ARID5B: variants seen among roughly 807,000 people sequenced by gnomAD.
ARID5B encodes the protein AT-rich interaction domain 5B, also known as AT-rich interactive domain-containing protein 5B.
A neutral mutation model predicts 97.2 loss-of-function variants in ARID5B; 13 were observed. The ratio of observed to expected loss-of-function variants is 0.13; its 90% confidence interval spans 0.09 to 0.21. ARID5B has a LOEUF of 0.21. ARID5B is among the 10% of genes least tolerant of loss of function. ARID5B has a pLI of 1.00. For synonymous variants in ARID5B, 556 were observed against 570.3 expected (o/e 0.97, Z 0.36); for missense variants, 1,210 against 1,465.3 (o/e 0.83, Z 2.84).
intron 7 of ARID5B, among the ~76,000 whole-genome samples, chr10:62,068,703 T>C (rs1415217969): frequency 1.3e-5 from 2 of 152,110 alleles, no homozygotes; most frequent in African/African-American, 4.8e-5. Flanking sequence ...CCCGTAACCC[T>C]GTTGAGAAAT....
At chr10:62,054,878 A>G (rs1057203747) in intron 5 of ARID5B, among the ~76,000 whole-genome samples, 4 of 152,210 alleles carry the variant, frequency 2.6e-5, no homozygotes, top group Non-Finnish European at 5.9e-5. Flanking sequence ...TCCAAACCAT[A>G]CATGACCTCA....
intron 4 of ARID5B, among the ~76,000 whole-genome samples, chr10:62,022,608 C>T (rs574777786): frequency 3.3e-5 from 5 of 152,342 alleles, no homozygotes; most frequent in African/African-American, 1.2e-4. Context: ...TATGTGTCCA[C>T]AAGCCTAGTC....
intron 4 of ARID5B, chr10:62,024,718 A>G (rs1167578982): frequency 2.5e-6 from 1 of 396,524 alleles, no homozygotes; most frequent in African/African-American, 2.1e-5. Context: ...GTACAAAGTT[A>G]CCAAACCAAT....
At chr10:61,967,451 A>G (rs1395929507) in intron 3 of ARID5B, among the ~76,000 whole-genome samples, 1 of 152,188 alleles carries the variant, frequency 6.6e-6, no homozygotes, top group Non-Finnish European at 1.5e-5. Flanking sequence ...CACCACCACA[A>G]TTCTTTGTGT....
chr10:61,904,938 G>A (rs1197229522), intron 2 of ARID5B, among the ~76,000 whole-genome samples: 2 of 152,252 alleles, frequency 1.3e-5, no homozygotes, highest in Non-Finnish European at 2.9e-5. Context: ...TAGCAGAATA[G>A]CAGCAGCAGT....
At chr10:62,089,331 T>A (rs999923370) in intron 9 of ARID5B, among the ~76,000 whole-genome samples, 9 of 151,854 alleles carry the variant, frequency 5.9e-5, no homozygotes, top group Non-Finnish European at 8.8e-5. Context: ...GTTTTTTTTT[T>A]AAAGGGATTT....
At chr10:62,077,987 G>A (rs1490408063) in intron 8 of ARID5B, among the ~76,000 whole-genome samples, 1 of 152,208 alleles carries the variant, frequency 6.6e-6, no homozygotes, top group Non-Finnish European at 1.5e-5. Flanking sequence ...CTCTTCCACT[G>A]AAAACCTCTT....
chr10:62,012,748 G>T (rs1839234329), intron 4 of ARID5B, among the ~76,000 whole-genome samples: 1 of 152,040 alleles, frequency 6.6e-6, no homozygotes, highest in Non-Finnish European at 1.5e-5. Flanking sequence ...TTTTATTTAT[G>T]CAATTTCATA....
intron 3 of ARID5B, among the ~76,000 whole-genome samples, chr10:61,970,510 A>G (rs57462891): frequency 0.01 from 1,564 of 152,354 alleles, 31 homozygotes; most frequent in African/African-American, 0.036. Flanking sequence ...TTTCAGATGT[A>G]ATTTCATGCC....
chr10:61,997,382 G>A (rs1040215845), intron 3 of ARID5B, among the ~76,000 whole-genome samples: 7 of 151,834 alleles, frequency 4.6e-5, no homozygotes, highest in African/African-American at 1.5e-4. Context: ...ATGAAAAATG[G>A]TTAGAGAAAA....
At chr10:61,935,379 CA>C in intron 2 of ARID5B, among the ~76,000 whole-genome samples, 1 of 151,960 alleles carries the variant, frequency 6.6e-6, no homozygotes. Flanking sequence ...AAGAACTCTG[CA>C]GAAAGGAATA....
At chr10:62,062,093 T>C (rs906099234) in intron 7 of ARID5B, among the ~76,000 whole-genome samples, 5 of 152,212 alleles carry the variant, frequency 3.3e-5, no homozygotes, top group Non-Finnish European at 1.5e-5. Context: ...AGAATACATT[T>C]TTCTCTTGGC....
At chr10:61,969,006 C>G (rs941197507) in intron 3 of ARID5B, among the ~76,000 whole-genome samples, 1 of 152,180 alleles carries the variant, frequency 6.6e-6, no homozygotes, top group Admixed American at 6.5e-5. Context: ...CTTCCATCCA[C>G]ATGAAAAGAC....
At chr10:62,005,095 G>C (rs1379156827) in intron 4 of ARID5B, among the ~76,000 whole-genome samples, 1 of 152,220 alleles carries the variant, frequency 6.6e-6, no homozygotes, top group Non-Finnish European at 1.5e-5. Flanking sequence ...TCAGCTGTTT[G>C]GTCCATGTGT....
In ARID5B at chr10:62,000,279, C is replaced by T. The variant is rs868152271; in HGVS notation, c.691C>T (p.His231Tyr). ...CCTGTACTGTCGGGACACCTTTGAC[C>T]ACCCGACTCTCATAGAAAACGAGAG... ...QILYCRDTFDHPTLIENESIC... is the reference protein window; with the variant it reads ...QILYCRDTFDYPTLIENESIC... The change falls in exon 4 of 10, where the codon CAC becomes TAC. Residue 231 changes from histidine to tyrosine, a missense_variant. By Grantham distance (83) the His-to-Tyr change is moderately conservative. Around this residue, in one of 8 missense-constraint regions of ARID5B, gnomAD observed 132 missense variants for 156.7 expected, o/e 0.84. Coordinates refer to ENST00000279873, the MANE Select transcript of ARID5B (RefSeq NM_032199.3). The surrounding 1 kb of genome is among the most constrained non-coding windows in gnomAD (Gnocchi z 4.4). 6.2e-7 allele frequency: 1 copy of T among 1,613,350 alleles called. No individual in the cohort carries two copies. Among genetic ancestry groups the T allele is most frequent in the East Asian group, 2.2e-5 (1 of 44,748 alleles).
At chr10:61,928,666 C>T (rs533586732) in intron 2 of ARID5B, among the ~76,000 whole-genome samples, 1 of 152,232 alleles carries the variant, frequency 6.6e-6, no homozygotes. Flanking sequence ...AAGGAGAGTC[C>T]TTGAAATCTA....
intron 3 of ARID5B, among the ~76,000 whole-genome samples, chr10:61,941,550 A>G (rs928538385): frequency 7.2e-5 from 11 of 151,796 alleles, no homozygotes; most frequent in African/African-American, 2.2e-4. Flanking sequence ...CTTAACTATT[A>G]CAACAAACCT....
intron 3 of ARID5B, among the ~76,000 whole-genome samples, chr10:61,974,807 T>C (rs971141170): frequency 2.0e-5 from 3 of 152,098 alleles, no homozygotes; most frequent in African/African-American, 7.2e-5. Flanking sequence ...AAATCGTGAG[T>C]TGAAATAGCA....
chr10:61,985,231 A>AAGGG (rs1466888955), intron 3 of ARID5B, among the ~76,000 whole-genome samples: 1 of 151,490 alleles, frequency 6.6e-6, no homozygotes, highest in Non-Finnish European at 1.5e-5. Context: ...GTGCAAAAGT[A>AAGGG]ATTGCGGTTT....
Sources: gnomAD v4.1 joint callset for allele counts (sites outside exome capture counted in the v4.1 genomes callset) on GRCh38, gnomAD v4.1.1 for gene constraint, gnomAD v4.1.1 regional missense constraint, Gnocchi (gnomAD v3.1) non-coding constraint, MANE v1.5 for transcripts, NCBI Gene and HGNC (gene_info 2026-07-23, HGNC 2026-07-21) for gene names.